The following RTL4 variants were observed in gnomAD, a reference collection of about 807,000 sequenced individuals.
RTL4 encodes the protein retrotransposon Gag-like protein 4.
Under a neutral mutation model 5.3 loss-of-function variants are expected in RTL4, and 4 were observed. The ratio of observed to expected loss-of-function variants is 0.75; its 90% CI spans 0.37 to 1.72. The LOEUF is 1.72. Among genes scored for constraint, RTL4 ranks in the 40% most tolerant of loss-of-function variants. The probability of loss-of-function intolerance (pLI) is 0.04; values close to 1 mark genes in which losing one functional copy is unlikely to be tolerated. For synonymous variants in RTL4, 98 were observed against 87.3 expected (o/e 1.12, Z -0.68); for missense variants, 260 against 227.1 (o/e 1.14, Z -0.93).
the RTL4 span, among the ~76,000 whole-genome samples, chrX:112,324,923 T>G: frequency 1.2e-3 from 132 of 111,583 alleles, 1 homozygote; most frequent in East Asian, 0.029. Flanking sequence ...TTCTGTCTAG[T>G]GGTTCTATCC....
the RTL4 span, among the ~76,000 whole-genome samples, chrX:112,310,010 G>C: frequency 2.9e-5 from 3 of 104,539 alleles, no homozygotes; most frequent in African/African-American, 1.0e-4. Flanking sequence ...ACCCGAGATC[G>C]TGCCACTGCA....
the RTL4 span, among the ~76,000 whole-genome samples, chrX:112,139,072 G>T: frequency 9.0e-6 from 1 of 111,437 alleles, no homozygotes; most frequent in Admixed American, 9.6e-5. Context: ...TATTTGTCAA[G>T]CATTTTGTAG....
the RTL4 span, among the ~76,000 whole-genome samples, chrX:112,313,607 CCTCTCTCTCT>C: frequency 9.9e-6 from 1 of 101,244 alleles, no homozygotes; most frequent in Admixed American, 1.1e-4. Context: ...TGCTTCAGAA[CCTCTCTCTCT>C]CTCTCTCTCT....
chrX:112,437,942 G>A, the RTL4 span, among the ~76,000 whole-genome samples: 1 of 110,021 alleles, frequency 9.1e-6, no homozygotes, highest in African/African-American at 3.3e-5. Context: ...GGTGGGCTTA[G>A]TGTCCATTTT....
the RTL4 span, among the ~76,000 whole-genome samples, chrX:112,271,451 G>C: frequency 2.7e-5 from 3 of 112,856 alleles, no homozygotes; most frequent in African/African-American, 9.6e-5. Context: ...TCTTTTGCCT[G>C]TGCTTTTTAG....
At chrX:112,223,008 G>A in the RTL4 span, among the ~76,000 whole-genome samples, 1 of 112,469 alleles carries the variant, frequency 8.9e-6, no homozygotes, top group Non-Finnish European at 1.9e-5. Flanking sequence ...TGGCTGAAGC[G>A]TGCACAGGAT....
At chrX:112,199,017 G>A in the RTL4 span, among the ~76,000 whole-genome samples, 14 of 110,955 alleles carry the variant, frequency 1.3e-4, no homozygotes, top group South Asian at 3.5e-3. Context: ...AGGCTGGCGC[G>A]GTGGCTCACG....
At chrX:112,139,288 T>C in the RTL4 span, among the ~76,000 whole-genome samples, 1 of 111,538 alleles carries the variant, frequency 9.0e-6, no homozygotes, top group Non-Finnish European at 1.9e-5. Context: ...ACTGTAAACT[T>C]GTATTTTTCT....
chrX:112,183,441 G>A, the RTL4 span, among the ~76,000 whole-genome samples: 1 of 111,602 alleles, frequency 9.0e-6, no homozygotes, highest in Non-Finnish European at 1.9e-5. Context: ...GTCACACATA[G>A]GCTCAAAATA....
chrX:112,430,417 ATC>A, the RTL4 span, among the ~76,000 whole-genome samples: 2 of 110,614 alleles, frequency 1.8e-5, no homozygotes, highest in African/African-American at 3.3e-5. Flanking sequence ...TAGAATTTTC[ATC>A]TCTCTGCTGA....
At chrX:112,268,926 G>A in the RTL4 span, among the ~76,000 whole-genome samples, 1 of 111,832 alleles carries the variant, frequency 8.9e-6, no homozygotes, top group African/African-American at 3.3e-5. Flanking sequence ...AGTCATTCAA[G>A]CTCCAAACTC....
At chrX:112,233,542 C>G in the RTL4 span, among the ~76,000 whole-genome samples, 1 of 111,226 alleles carries the variant, frequency 9.0e-6, no homozygotes, top group Non-Finnish European at 1.9e-5. Flanking sequence ...GCAGCAAAAG[C>G]AATGTTTTTG....
chrX:112,329,428 C>T, the RTL4 span, among the ~76,000 whole-genome samples: 4 of 111,099 alleles, frequency 3.6e-5, no homozygotes, highest in African/African-American at 9.8e-5. Flanking sequence ...ATAAATTCCT[C>T]GACACATACA....
At chrX:112,083,484 T>TG in the RTL4 span, among the ~76,000 whole-genome samples, 6 of 111,791 alleles carry the variant, frequency 5.4e-5, no homozygotes, top group African/African-American at 2.0e-4. Flanking sequence ...TGGGGTCCTA[T>TG]GGGGCAGGCT....
the RTL4 span, among the ~76,000 whole-genome samples, chrX:112,236,841 A>T: frequency 9.0e-6 from 1 of 111,244 alleles, no homozygotes; most frequent in Non-Finnish European, 1.9e-5. Flanking sequence ...TGCACGTGTG[A>T]TTAAGTTAAG....
the RTL4 span, among the ~76,000 whole-genome samples, chrX:112,415,819 C>T: frequency 2.7e-5 from 3 of 111,463 alleles, no homozygotes; most frequent in East Asian, 5.6e-4. Flanking sequence ...CCCAAGGCCA[C>T]GGTTAGAAAA....
the RTL4 span, among the ~76,000 whole-genome samples, chrX:112,267,807 C>A: frequency 1.3e-4 from 14 of 110,486 alleles, no homozygotes; most frequent in Admixed American, 3.9e-4. Context: ...TTATCTCTCT[C>A]CACATCCAAT....
At chrX:112,207,762 T>C in the RTL4 span, among the ~76,000 whole-genome samples, 1 of 110,053 alleles carries the variant, frequency 9.1e-6, no homozygotes, top group Non-Finnish European at 1.9e-5. Flanking sequence ...TCAGTCTTTC[T>C]CTTTAAAACT....
At chrX:112,230,516 G>C in the RTL4 span, among the ~76,000 whole-genome samples, 1 of 112,011 alleles carries the variant, frequency 8.9e-6, no homozygotes, top group African/African-American at 3.2e-5. Context: ...GCTCATGCAC[G>C]GTGCACTGCA....
Sources: gnomAD v4.1 joint callset for allele counts (sites outside exome capture counted in the v4.1 genomes callset) on GRCh38, gnomAD v4.1.1 for gene constraint, MANE v1.5 for transcripts, NCBI Gene and HGNC (gene_info 2026-07-23, HGNC 2026-07-21) for gene names.